The following SLC39A11 variants were observed in gnomAD, a reference collection of about 807,000 sequenced individuals.
SLC39A11 encodes the protein zinc transporter ZIP11.
In SLC39A11, 33 loss-of-function variants were observed where a neutral mutation model predicts 36.1. That is an observed-to-expected ratio of 0.91 (90% CI 0.69 to 1.22). The LOEUF (loss-of-function observed/expected upper bound fraction) is 1.22, where lower values mean the gene tolerates loss of function less well. Ranked by LOEUF, SLC39A11 falls within the 50% of genes most tolerant of loss-of-function variation. SLC39A11 has a pLI of 0.00. For missense variants in SLC39A11, 432 were observed against 430.3 expected (o/e 1.00, Z -0.03); for synonymous variants, 166 against 170.3 (o/e 0.97, Z 0.20).
At chr17:72,648,990 C>G (rs755953056) in intron 8 of SLC39A11, 29 bp from the exon 9 acceptor site, 1 of 1,597,050 alleles carries the variant, frequency 6.3e-7, no homozygotes, top group Admixed American at 1.8e-5. Flanking sequence ...CATTTACCAC[C>G]GCAGGGGGAG....
intron 6 of SLC39A11, among the ~76,000 whole-genome samples, chr17:72,834,964 C>T (rs187476069): frequency 1.3e-5 from 2 of 152,214 alleles, no homozygotes; most frequent in African/African-American, 4.8e-5. Flanking sequence ...CAGGAGATGA[C>T]AGAATGTCTA....
At chr17:73,082,742 G>A (rs1035911108) in intron 3 of SLC39A11, among the ~76,000 whole-genome samples, 1 of 152,124 alleles carries the variant, frequency 6.6e-6, no homozygotes, top group Non-Finnish European at 1.5e-5. Flanking sequence ...CGGGCATGGT[G>A]GCTCACACCT....
intron 4 of SLC39A11, among the ~76,000 whole-genome samples, chr17:72,978,528 G>A (rs750697833): frequency 2.0e-5 from 3 of 152,172 alleles, no homozygotes; most frequent in Non-Finnish European, 4.4e-5. Flanking sequence ...TTGCACTGAG[G>A]CAGCCACGCA....
chr17:72,668,611 G>C (rs1311266432), intron 7 of SLC39A11, among the ~76,000 whole-genome samples: 1 of 152,230 alleles, frequency 6.6e-6, no homozygotes, highest in African/African-American at 2.4e-5. Flanking sequence ...AGTGAGGAGA[G>C]AGAGCACAAC....
intron 4 of SLC39A11, among the ~76,000 whole-genome samples, chr17:73,017,453 C>G (rs1174812319): frequency 6.6e-6 from 1 of 152,184 alleles, no homozygotes; most frequent in African/African-American, 2.4e-5. Context: ...TGGCTCACAT[C>G]TGGAATCTCA....
At chr17:72,979,496 G>T (rs2088130256) in intron 4 of SLC39A11, among the ~76,000 whole-genome samples, 1 of 152,182 alleles carries the variant, frequency 6.6e-6, no homozygotes, top group Admixed American at 6.5e-5. Context: ...CAGGCAATGG[G>T]ATGAGGGACG....
At chr17:73,023,480 T>G (rs1182919481) in intron 4 of SLC39A11, among the ~76,000 whole-genome samples, 1 of 152,038 alleles carries the variant, frequency 6.6e-6, no homozygotes, top group Admixed American at 6.6e-5. Context: ...GCTGGTTTTT[T>G]TTGTTGTTGT....
chr17:72,765,364 C>T (rs1049615342), intron 6 of SLC39A11, among the ~76,000 whole-genome samples: 12 of 152,194 alleles, frequency 7.9e-5, no homozygotes, highest in African/African-American at 2.7e-4. Flanking sequence ...GCACCCATTC[C>T]CTTGCCTGTC....
intron 5 of SLC39A11, among the ~76,000 whole-genome samples, chr17:72,874,464 C>T (rs948215922): frequency 6.6e-6 from 1 of 152,160 alleles, no homozygotes; most frequent in Non-Finnish European, 1.5e-5. Flanking sequence ...CGTCCATCTG[C>T]AAGGCTGTCG....
At chr17:72,656,344 C>T (rs1429219545) in intron 7 of SLC39A11, among the ~76,000 whole-genome samples, 2 of 152,172 alleles carry the variant, frequency 1.3e-5, no homozygotes, top group African/African-American at 4.8e-5. Context: ...AAAGAAACCG[C>T]AGGCTGTCCC....
At chr17:72,894,502 A>G in intron 5 of SLC39A11, among the ~76,000 whole-genome samples, 1 of 142,096 alleles carries the variant, frequency 7.0e-6, no homozygotes, top group South Asian at 2.2e-4. Context: ...TCCCTACTAA[A>G]AAAAAAAAAA....
intron 5 of SLC39A11, among the ~76,000 whole-genome samples, chr17:72,856,808 G>A (rs1397731439): frequency 1.3e-5 from 2 of 152,062 alleles, no homozygotes; most frequent in African/African-American, 4.8e-5. Context: ...GGCCTCCAGA[G>A]TAGCTGGGAC....
chr17:72,806,227 G>A (rs972601826), intron 6 of SLC39A11, among the ~76,000 whole-genome samples: 7 of 152,236 alleles, frequency 4.6e-5, no homozygotes, highest in African/African-American at 1.4e-4. Flanking sequence ...ACTTTTCCTA[G>A]CCAATCTTCA....
intron 3 of SLC39A11, among the ~76,000 whole-genome samples, chr17:73,051,469 C>A (rs1256342839): frequency 6.6e-6 from 1 of 151,806 alleles, no homozygotes; most frequent in Non-Finnish European, 1.5e-5. Context: ...GGGGACTGTG[C>A]AACTTGGTAG....
intron 5 of SLC39A11, among the ~76,000 whole-genome samples, chr17:72,897,052 CAA>C (rs10656675): frequency 6.2e-5 from 4 of 64,172 alleles, no homozygotes; most frequent in African/African-American, 1.6e-4. Context: ...GACTCTGTCT[CAA>C]AAAAAAAAAA....
intron 6 of SLC39A11, among the ~76,000 whole-genome samples, chr17:72,790,833 A>G (rs2076677532): frequency 6.6e-6 from 1 of 152,112 alleles, no homozygotes; most frequent in African/African-American, 2.4e-5. Context: ...ACACCCAGCC[A>G]AAAACAATGA....
At chr17:72,803,549 T>C (rs2077162591) in intron 6 of SLC39A11, among the ~76,000 whole-genome samples, 1 of 152,182 alleles carries the variant, frequency 6.6e-6, no homozygotes, top group Non-Finnish European at 1.5e-5. Flanking sequence ...TCTTCCCTCA[T>C]GGCGTGAAGG....
At chr17:72,706,013 G>A (rs1225637436) in intron 7 of SLC39A11, among the ~76,000 whole-genome samples, 3 of 152,156 alleles carry the variant, frequency 2.0e-5, no homozygotes, top group Admixed American at 6.5e-5. Flanking sequence ...CCCAGGACAC[G>A]TGGCTGCCAG....
chr17:72,797,903 T>C (rs2076946713), intron 6 of SLC39A11, among the ~76,000 whole-genome samples: 2 of 152,152 alleles, frequency 1.3e-5, no homozygotes, highest in South Asian at 4.1e-4. Context: ...ATCTAGCATC[T>C]GGCAGCCTAG....
Sources: allele counts gnomAD v4.1 joint callset (sites outside exome capture counted in the v4.1 genomes callset), GRCh38; gene constraint gnomAD v4.1.1; transcripts MANE v1.5; gene names NCBI Gene and HGNC (gene_info 2026-07-23, HGNC 2026-07-21).